PTPRG: variants seen among roughly 807,000 people sequenced by gnomAD.
PTPRG encodes protein tyrosine phosphatase receptor type G.
PTPRG carries 102 observed loss-of-function variants against 165.3 expected under a neutral mutation model. That is an observed-to-expected ratio of 0.62 (90% CI 0.53 to 0.73). PTPRG has a LOEUF of 0.73. Among genes scored for constraint, PTPRG ranks in the 30% least tolerant of loss-of-function variants. The probability of loss-of-function intolerance (pLI) is 0.00; values close to 1 mark genes in which losing one functional copy is unlikely to be tolerated. For missense variants in PTPRG, 1,866 were observed against 1,861.4 expected (o/e 1.00, Z -0.05); for synonymous variants, 675 against 669.5 (o/e 1.01, Z -0.13).
At chr3:61,659,088 A>G (rs555939068) in intron 1 of PTPRG, among the ~76,000 whole-genome samples, 1 of 151,924 alleles carries the variant, frequency 6.6e-6, no homozygotes, top group South Asian at 2.1e-4. Flanking sequence ...GACAGTGCCC[A>G]AGACCTAGCA....
intron 10 of PTPRG, among the ~76,000 whole-genome samples, chr3:62,198,665 A>G (rs1483316818): frequency 6.6e-6 from 1 of 152,234 alleles, no homozygotes; most frequent in Admixed American, 6.5e-5. Flanking sequence ...ATATAATAAT[A>G]TATGTGCTTT....
intron 26 of PTPRG, among the ~76,000 whole-genome samples, chr3:62,280,491 T>G (rs1041367747): frequency 2.0e-5 from 3 of 152,014 alleles, no homozygotes; most frequent in African/African-American, 7.2e-5. Context: ...TCAATCTCAT[T>G]AATTTTCAGG....
intron 2 of PTPRG, among the ~76,000 whole-genome samples, chr3:61,768,373 CTG>C (rs1322862361): frequency 3.3e-5 from 5 of 152,196 alleles, no homozygotes; most frequent in Non-Finnish European, 7.3e-5. Flanking sequence ...CCTGGTTTCT[CTG>C]TGTTAGCCTC....
chr3:61,733,938 C>G (rs1457133503), intron 1 of PTPRG, among the ~76,000 whole-genome samples: 2 of 152,176 alleles, frequency 1.3e-5, no homozygotes, highest in Non-Finnish European at 2.9e-5. Flanking sequence ...GCTGGGATTA[C>G]AGGTGCATAT....
intron 1 of PTPRG, among the ~76,000 whole-genome samples, chr3:61,585,747 A>G (rs1181556494): frequency 1.3e-5 from 2 of 152,260 alleles, no homozygotes; most frequent in African/African-American, 2.4e-5. Context: ...ACCGTGTCTC[A>G]AAAGAAAACA....
At chr3:62,007,973 C>T (rs919035965) in intron 4 of PTPRG, among the ~76,000 whole-genome samples, 13 of 152,156 alleles carry the variant, frequency 8.5e-5, no homozygotes, top group African/African-American at 3.1e-4. Flanking sequence ...GATTAAGTGT[C>T]CTTAAAGTAA....
intron 2 of PTPRG, chr3:61,750,473 G>T (rs1394587375): frequency 1.3e-5 from 2 of 152,184 alleles, no homozygotes; most frequent in Non-Finnish European, 2.9e-5. Flanking sequence ...TGGAGTGATT[G>T]TTGATGTCTT....
At chr3:62,191,788 C>T in intron 9 of PTPRG, 135 bp downstream of exon 9, 1 of 930,844 alleles carries the variant, frequency 1.1e-6, no homozygotes, top group Non-Finnish European at 1.6e-6. Context: ...TGGGCACTGC[C>T]ATTGCTGCGC....
At chr3:61,793,273 C>T (rs761530741) in intron 2 of PTPRG, among the ~76,000 whole-genome samples, 9 of 152,260 alleles carry the variant, frequency 5.9e-5, no homozygotes, top group Non-Finnish European at 8.8e-5. Flanking sequence ...GATATGTCAC[C>T]TGGGCTTGTG....
rs147144644 is a variant in PTPRG, at chr3:61,940,154, C to T, written c.191-49471C>T. Among the ~76,000 whole-genome samples the T allele has an allele frequency of 5.5e-4, 83 of 151,976 alleles. 2 individuals carry two copies. In the East Asian group the frequency reaches 6.8e-3, roughly 12 times the overall value. On this transcript the variant is annotated intron_variant, in intron 2 of 29. Transcript: ENST00000474889. Reference sequence around the variant, plus strand: ...TAGAGACAGGGTTTTACCAGGTTGGCCAGGCTGGTCTCGAATTCCTGACGT... The same window carrying T: ...TAGAGACAGGGTTTTACCAGGTTGGTCAGGCTGGTCTCGAATTCCTGACGT...
At chr3:62,159,142 T>C (rs1704648379) in intron 7 of PTPRG, among the ~76,000 whole-genome samples, 1 of 151,766 alleles carries the variant, frequency 6.6e-6, no homozygotes, top group Non-Finnish European at 1.5e-5. Flanking sequence ...CTGGGCAACA[T>C]GGCAAGACCC....
At chr3:62,056,624 A>G (rs1287986278) in intron 4 of PTPRG, among the ~76,000 whole-genome samples, 2 of 152,190 alleles carry the variant, frequency 1.3e-5, no homozygotes, top group African/African-American at 4.8e-5. Flanking sequence ...TTCTTGGCCT[A>G]AAATATCTAA....
intron 2 of PTPRG, among the ~76,000 whole-genome samples, chr3:61,883,049 C>A (rs1279135942): frequency 2.6e-5 from 4 of 152,180 alleles, no homozygotes; most frequent in African/African-American, 9.7e-5. Context: ...TGGCTGGTGA[C>A]ATGCACAGAT....
At position 62,203,143 on chromosome 3, in the gene PTPRG, T is replaced by A; in HGVS notation, c.1378-30T>A. ...CTCTGCTTTTTCTTCTTCTGCCTCT[T>A]TTCCACCCTTGCCGGGTGACCCTTT... On this transcript the variant is annotated intron_variant, in intron 11 of 29. Coordinates refer to ENST00000474889, the MANE Select transcript of PTPRG (RefSeq NM_002841.4). This position sits in a 1 kb window ranked among gnomAD's most constrained non-coding sequence, Gnocchi z 6.4. 1 of 1,537,870 alleles carries A rather than the reference T, an allele frequency of 6.5e-7. No homozygotes were observed. Among genetic ancestry groups the A allele is most frequent in the Non-Finnish European group, 8.8e-7 (1 of 1,142,050 alleles).
chr3:62,064,666 A>G (rs566099935), intron 4 of PTPRG, among the ~76,000 whole-genome samples: 1 of 152,022 alleles, frequency 6.6e-6, no homozygotes, highest in African/African-American at 2.4e-5. Context: ...AAATAATAAA[A>G]CAGGAAATCA....
chr3:62,189,301 C>T (rs949226069), intron 8 of PTPRG, among the ~76,000 whole-genome samples: 15 of 152,286 alleles, frequency 9.8e-5, no homozygotes, highest in Admixed American at 7.2e-4. Flanking sequence ...AACCAATCTA[C>T]TTTTCTCCAC....
chr3:61,760,870 G>C (rs529141573), intron 2 of PTPRG, among the ~76,000 whole-genome samples: 11 of 152,244 alleles, frequency 7.2e-5, no homozygotes, highest in African/African-American at 2.6e-4. Context: ...TCCTGCATTA[G>C]TTTGCTGAGG....
intron 5 of PTPRG, among the ~76,000 whole-genome samples, chr3:62,081,236 G>A (rs967469737): frequency 3.4e-5 from 5 of 146,002 alleles, no homozygotes; most frequent in Non-Finnish European, 4.4e-5. Flanking sequence ...CAGCCTGGGC[G>A]ACAGAGTGAG....
At chr3:61,707,914 G>A (rs547313578) in intron 1 of PTPRG, among the ~76,000 whole-genome samples, 13 of 152,046 alleles carry the variant, frequency 8.6e-5, no homozygotes, top group Non-Finnish European at 1.6e-4. Flanking sequence ...TCAGCCTCCC[G>A]AGTACCTGGG....
Sources: allele counts gnomAD v4.1 joint callset (sites outside exome capture counted in the v4.1 genomes callset), GRCh38; gene constraint gnomAD v4.1.1; non-coding constraint Gnocchi (gnomAD v3.1); transcripts MANE v1.5; gene names NCBI Gene and HGNC (gene_info 2026-07-23, HGNC 2026-07-21).